The following STXBP5L variants were observed in gnomAD, a reference collection of about 807,000 sequenced individuals.
STXBP5L encodes the protein syntaxin-binding protein 5-like.
STXBP5L carries 65 observed loss-of-function variants against 144.5 expected under a neutral mutation model. The observed-to-expected ratio is 0.45, with a 90% confidence interval of 0.37 to 0.55. The LOEUF (loss-of-function observed/expected upper bound fraction) is 0.55, where lower values mean the gene tolerates loss of function less well. Among genes scored for constraint, STXBP5L ranks in the 20% least tolerant of loss-of-function variants. The pLI is 0.00. For missense variants in STXBP5L, 1,298 were observed against 1,405.5 expected (o/e 0.92, Z 1.22); for synonymous variants, 505 against 469.6 (o/e 1.08, Z -0.97).
chr3:121,180,125 G>A (rs758555416), intron 9 of STXBP5L, among the ~76,000 whole-genome samples: 2 of 152,086 alleles, frequency 1.3e-5, no homozygotes, highest in African/African-American at 2.4e-5. Flanking sequence ...CATCACCAAG[G>A]CACATAGTCA....
At chr3:120,999,934 G>T (rs976908045) in intron 3 of STXBP5L, among the ~76,000 whole-genome samples, 9 of 151,950 alleles carry the variant, frequency 5.9e-5, no homozygotes, top group Non-Finnish European at 7.4e-5. Flanking sequence ...TTGAATATAG[G>T]CCCCCAGTCT....
At chr3:120,953,430 G>A (rs1458954080) in intron 2 of STXBP5L, among the ~76,000 whole-genome samples, 1 of 148,558 alleles carries the variant, frequency 6.7e-6, no homozygotes, top group African/African-American at 2.5e-5. Context: ...CTGGGCTCAA[G>A]TGATCCTTCT....
intron 14 of STXBP5L, among the ~76,000 whole-genome samples, chr3:121,246,550 T>C (rs2049857964): frequency 6.6e-6 from 1 of 152,192 alleles, no homozygotes; most frequent in East Asian, 1.9e-4. Flanking sequence ...TAAGGGTATA[T>C]AGAGTCTCAG....
chr3:121,369,808 A>G (rs1196653822), intron 20 of STXBP5L, among the ~76,000 whole-genome samples: 1 of 151,984 alleles, frequency 6.6e-6, no homozygotes, highest in Non-Finnish European at 1.5e-5. Flanking sequence ...TCTGATGGTT[A>G]TGTGTCTTGG....
chr3:120,997,780 A>G (rs920850408), intron 3 of STXBP5L, among the ~76,000 whole-genome samples: 3 of 152,154 alleles, frequency 2.0e-5, no homozygotes, highest in African/African-American at 7.2e-5. Flanking sequence ...CAATGAAAAA[A>G]GAAAACTTCA....
At chr3:121,380,268 A>T (rs781011481) in intron 21 of STXBP5L, among the ~76,000 whole-genome samples, 1 of 152,140 alleles carries the variant, frequency 6.6e-6, no homozygotes, top group Non-Finnish European at 1.5e-5. Context: ...CTCATCTCTA[A>T]ATTTTATGAC....
At chr3:121,259,528 T>G (rs542437596) in intron 18 of STXBP5L, among the ~76,000 whole-genome samples, 2 of 152,258 alleles carry the variant, frequency 1.3e-5, no homozygotes, top group African/African-American at 4.8e-5. Flanking sequence ...GTGTCTGATC[T>G]GATGGTAGAT....
rs149327881 is a variant in STXBP5L, at chr3:121,308,942, G to A, written c.2111-9533G>A. On this transcript the variant is annotated intron_variant, in intron 19 of 26. Transcript: ENST00000471454. ...TCAGTATACATCTGAAGTAGACTCT[G>A]ATTGGATATATACAGTAAGTTCTAA... is the stretch of plus-strand genomic sequence containing the variant. Among the ~76,000 whole-genome samples, 783 of 152,184 alleles carry A rather than the reference G, an allele frequency of 5.1e-3. 3 individuals carry two copies. The highest frequency in any genetic ancestry group is 8.3e-3 in the Non-Finnish European group (563 of 67,960).
chr3:121,174,711 G>A (rs1468162147), intron 9 of STXBP5L, among the ~76,000 whole-genome samples: 3 of 152,132 alleles, frequency 2.0e-5, no homozygotes, highest in African/African-American at 4.8e-5. Flanking sequence ...TAAGGTCTTT[G>A]TACCGTCTTT....
intron 5 of STXBP5L, among the ~76,000 whole-genome samples, chr3:121,057,215 T>A (rs945025518): frequency 2.0e-5 from 3 of 152,026 alleles, no homozygotes; most frequent in Non-Finnish European, 4.4e-5. Context: ...CATTTTTGTA[T>A]GCGTCAAAAA....
chr3:121,112,628 A>G (rs923807572), intron 5 of STXBP5L, among the ~76,000 whole-genome samples: 1 of 151,884 alleles, frequency 6.6e-6, no homozygotes, highest in Non-Finnish European at 1.5e-5. Context: ...CCCGGCAACA[A>G]TACTTTTTTT....
At chr3:121,035,136 C>T (rs926174367) in intron 3 of STXBP5L, among the ~76,000 whole-genome samples, 2 of 151,918 alleles carry the variant, frequency 1.3e-5, no homozygotes, top group Non-Finnish European at 2.9e-5. Flanking sequence ...GAATAGTTTG[C>T]ACGTATTTTC....
intron 8 of STXBP5L, among the ~76,000 whole-genome samples, chr3:121,152,961 T>C (rs1180391027): frequency 6.6e-6 from 1 of 152,092 alleles, no homozygotes; most frequent in East Asian, 1.9e-4. Flanking sequence ...ACACCTTCCT[T>C]AGAAAATTCC....
rs183736169 is a variant in STXBP5L at position 121,017,677 on chromosome 3, G to A, written c.288-24023G>A. Among the ~76,000 whole-genome samples the A allele has an allele frequency of 4.2e-3, 645 of 152,226 alleles. 5 individuals are homozygous for A. Among genetic ancestry groups the A allele is most frequent in the African/African-American group, 0.015 (615 of 41,520 alleles). ...TAAAAACACAGTACCATTTACATTG[G>A]CATCTAAAATAACTGAAATACTTAT... On this transcript the variant is annotated intron_variant, in intron 3 of 26. Transcript: ENST00000471454.
At chr3:121,181,226 A>G (rs1038043219) in intron 9 of STXBP5L, among the ~76,000 whole-genome samples, 2 of 151,978 alleles carry the variant, frequency 1.3e-5, no homozygotes, top group Non-Finnish European at 2.9e-5. Flanking sequence ...CATTGAATGT[A>G]AATGGCCTGA....
At chr3:121,296,083 A>T (rs547572997) in intron 19 of STXBP5L, among the ~76,000 whole-genome samples, 4 of 152,202 alleles carry the variant, frequency 2.6e-5, no homozygotes, top group Non-Finnish European at 5.9e-5. Context: ...TATTTACCAT[A>T]AAAGTTCTGT....
At chr3:121,071,265 C>G (rs1468708117) in intron 5 of STXBP5L, among the ~76,000 whole-genome samples, 3 of 152,224 alleles carry the variant, frequency 2.0e-5, no homozygotes, top group Non-Finnish European at 4.4e-5. Flanking sequence ...TACAAGTAAA[C>G]ATATAACTAT....
chr3:121,017,823 T>A (rs930665051), intron 3 of STXBP5L, among the ~76,000 whole-genome samples: 4 of 152,078 alleles, frequency 2.6e-5, no homozygotes, highest in Non-Finnish European at 5.9e-5. Flanking sequence ...ATGGCTGTAA[T>A]CACAACATTT....
intron 5 of STXBP5L, among the ~76,000 whole-genome samples, chr3:121,092,807 T>G (rs1201880680): frequency 6.6e-6 from 1 of 152,184 alleles, no homozygotes; most frequent in Non-Finnish European, 1.5e-5. Flanking sequence ...TCCAACACCA[T>G]GTTGAATAGG....
Sources: gnomAD v4.1 joint callset for allele counts (sites outside exome capture counted in the v4.1 genomes callset) on GRCh38, gnomAD v4.1.1 for gene constraint, MANE v1.5 for transcripts, NCBI Gene and HGNC (gene_info 2026-07-23, HGNC 2026-07-21) for gene names.